Variants in NFIA observed in about 807,000 individuals in gnomAD.
NFIA encodes the protein nuclear factor 1 A-type.
NFIA carries 8 observed loss-of-function variants against 62.8 expected under a neutral mutation model. That is an observed-to-expected ratio of 0.13 (90% confidence interval 0.07 to 0.23). The LOEUF is 0.23. NFIA is among the 10% of genes least tolerant of loss of function. The pLI, the probability that NFIA is intolerant of heterozygous loss-of-function variation, is 1.00. For missense variants in NFIA, 410 were observed against 642.1 expected (o/e 0.64, Z 3.91); for synonymous variants, 235 against 238.1 (o/e 0.99, Z 0.12).
intron 2 of NFIA, among the ~76,000 whole-genome samples, chr1:61,155,675 A>C (rs334697): frequency 7.3e-6 from 1 of 137,342 alleles, no homozygotes; most frequent in Admixed American, 7.5e-5. Flanking sequence ...GCGAGACTCC[A>C]TCTCAAAAAA....
At chr1:61,376,161 G>A (rs1043582824) in intron 6 of NFIA, among the ~76,000 whole-genome samples, 2 of 152,024 alleles carry the variant, frequency 1.3e-5, no homozygotes, top group African/African-American at 4.8e-5. Flanking sequence ...TTAGACACTC[G>A]GGGGCCTTCC....
chr1:61,440,822 A>G (rs1442570533), intron 10 of NFIA, among the ~76,000 whole-genome samples: 1 of 152,196 alleles, frequency 6.6e-6, no homozygotes, highest in African/African-American at 2.4e-5. Context: ...ACTCAGACAC[A>G]TGTGCCCTGT....
chr1:61,197,128 T>C (rs536795102), intron 2 of NFIA, among the ~76,000 whole-genome samples: 1 of 152,100 alleles, frequency 6.6e-6, no homozygotes, highest in East Asian at 1.9e-4. Context: ...TTGGACCCCA[T>C]ATTTATAATA....
intron 2 of NFIA, among the ~76,000 whole-genome samples, chr1:61,250,831 T>G (rs1655982121): frequency 6.6e-6 from 1 of 152,230 alleles, no homozygotes; most frequent in Non-Finnish European, 1.5e-5. Context: ...AACATGATTG[T>G]GTTTCACATA....
At chr1:61,126,306 T>G (rs1646965684) in intron 2 of NFIA, among the ~76,000 whole-genome samples, 1 of 152,186 alleles carries the variant, frequency 6.6e-6, no homozygotes, top group South Asian at 2.1e-4. Context: ...ACATCTCTCA[T>G]TGGTCCTGAT....
chr1:61,093,867 C>A (rs1197028990), intron 2 of NFIA, among the ~76,000 whole-genome samples: 1 of 152,136 alleles, frequency 6.6e-6, no homozygotes, highest in Non-Finnish European at 1.5e-5. Context: ...TTAATTTAAA[C>A]CTATTTAAGG....
chr1:61,135,042 C>A (rs1181793903), intron 2 of NFIA, among the ~76,000 whole-genome samples: 1 of 152,090 alleles, frequency 6.6e-6, no homozygotes, highest in Non-Finnish European at 1.5e-5. Context: ...CATTCTTTTC[C>A]CACATTTATT....
intron 3 of NFIA, among the ~76,000 whole-genome samples, chr1:61,301,674 G>A (rs970383477): frequency 1.3e-5 from 2 of 152,138 alleles, no homozygotes; most frequent in Non-Finnish European, 2.9e-5. Context: ...TTATTTAACA[G>A]TATAATGTCT....
intron 2 of NFIA, among the ~76,000 whole-genome samples, chr1:61,206,373 A>G (rs1484207897): frequency 6.6e-6 from 1 of 152,164 alleles, no homozygotes; most frequent in Non-Finnish European, 1.5e-5. Context: ...TTTGGTAACA[A>G]CCTTTTCTTA....
At chr1:61,353,143 T>C (rs1283165690) in intron 5 of NFIA, among the ~76,000 whole-genome samples, 1 of 151,564 alleles carries the variant, frequency 6.6e-6, no homozygotes, top group Non-Finnish European at 1.5e-5. Flanking sequence ...CCCCCAAAGC[T>C]CTCAATATCC....
rs902435305 is a variant in NFIA, at chr1:61,324,592, T to C, written c.626-7920T>C. 5.3e-5 allele frequency among the ~76,000 whole-genome samples: 8 copies of C among 152,200 alleles called. No individual in the cohort carries two copies. In the South Asian group the frequency reaches 6.2e-4, roughly 12 times the overall value. ...GTTTCTTGGACCTGAAAACTTTCTT[T>C]AGTGGTCAGCCTCCTGTGTGGTTTG... is the stretch of plus-strand genomic sequence containing the variant. On this transcript the variant is annotated intron_variant, in intron 3 of 10. Coordinates refer to ENST00000403491, the MANE Select transcript of NFIA (RefSeq NM_001134673.4).
At chr1:61,150,651 G>C (rs1200142608) in intron 2 of NFIA, among the ~76,000 whole-genome samples, 2 of 152,148 alleles carry the variant, frequency 1.3e-5, no homozygotes, top group Non-Finnish European at 2.9e-5. Context: ...ATGGGGAGTG[G>C]ATTTCTCAGC....
chr1:61,221,568 G>A (rs995614170), intron 2 of NFIA, among the ~76,000 whole-genome samples: 5 of 152,064 alleles, frequency 3.3e-5, no homozygotes, highest in Admixed American at 6.5e-5. Context: ...AATCCAAATC[G>A]TTGATAGTTT....
At chr1:61,352,408 C>A (rs768974631) in intron 4 of NFIA, 42 bp from the exon 5 acceptor site, 9 of 1,384,432 alleles carry the variant, frequency 6.5e-6, no homozygotes, top group Non-Finnish European at 9.2e-6. Context: ...ATTTTTTTAT[C>A]CACAGAATTT....
chr1:61,453,072 A>G (rs1054317093), intron 10 of NFIA, among the ~76,000 whole-genome samples: 7 of 152,196 alleles, frequency 4.6e-5, no homozygotes, highest in African/African-American at 1.7e-4. Flanking sequence ...TGCCAGAGAA[A>G]GACAGATTAA....
At chr1:61,331,929 T>C (rs530139245) in intron 3 of NFIA, among the ~76,000 whole-genome samples, 2 of 152,216 alleles carry the variant, frequency 1.3e-5, no homozygotes, top group African/African-American at 4.8e-5. Flanking sequence ...AAAAAAAATT[T>C]GGGGTGTATA....
intron 2 of NFIA, among the ~76,000 whole-genome samples, chr1:61,222,220 A>T (rs1245290891): frequency 6.6e-6 from 1 of 152,148 alleles, no homozygotes; most frequent in African/African-American, 2.4e-5. Flanking sequence ...TAGTTGGCAG[A>T]AGCAACACCT....
At chr1:61,100,749 C>T (rs763289486) in intron 2 of NFIA, among the ~76,000 whole-genome samples, 6 of 151,940 alleles carry the variant, frequency 3.9e-5, no homozygotes, top group Non-Finnish European at 8.8e-5. Context: ...AATCCCAACA[C>T]CCTGGGCTAA....
At chr1:61,147,226 C>T (rs1301746091) in intron 2 of NFIA, among the ~76,000 whole-genome samples, 2 of 152,014 alleles carry the variant, frequency 1.3e-5, no homozygotes, top group African/African-American at 4.8e-5. Context: ...TCTTGGTTCA[C>T]TGCAACCTCC....
Sources: allele counts gnomAD v4.1 joint callset (sites outside exome capture counted in the v4.1 genomes callset), GRCh38; gene constraint gnomAD v4.1.1; transcripts MANE v1.5; gene names NCBI Gene and HGNC (gene_info 2026-07-23, HGNC 2026-07-21).